Variants in SPTLC2 observed in about 807,000 individuals in gnomAD.
The protein encoded by SPTLC2 is serine palmitoyltransferase long chain base subunit 2, also known as serine palmitoyltransferase 2.
A neutral mutation model predicts 62.0 loss-of-function variants in SPTLC2; 21 were observed. That is an observed-to-expected ratio of 0.34 (90% confidence interval 0.24 to 0.49). SPTLC2 has a LOEUF of 0.49. Among genes scored for constraint, SPTLC2 ranks in the 20% least tolerant of loss-of-function variants. SPTLC2 has a pLI of 0.99. For synonymous variants in SPTLC2, 261 were observed against 261.8 expected, an observed-to-expected ratio of 1.00 and a Z score of 0.03; for missense variants, 511 against 713.0, an observed-to-expected ratio of 0.72 and a Z score of 3.23.
intron 9 of SPTLC2, among the ~76,000 whole-genome samples, chr14:77,527,640 T>G (rs759604157): frequency 5.3e-5 from 8 of 152,214 alleles, no homozygotes; most frequent in Non-Finnish European, 1.0e-4. Flanking sequence ...TAGAAGGAAC[T>G]ACTATATTAT....
chr14:77,592,244 C>A (rs1246681189), intron 2 of SPTLC2, among the ~76,000 whole-genome samples: 1 of 152,000 alleles, frequency 6.6e-6, no homozygotes. Context: ...AAGCCATTCT[C>A]CTGCCTCAGC....
At chr14:77,572,624 T>C (rs1226084653) in intron 4 of SPTLC2, among the ~76,000 whole-genome samples, 5 of 152,228 alleles carry the variant, frequency 3.3e-5, no homozygotes, top group African/African-American at 1.2e-4. Context: ...TTAGATGGTG[T>C]CTTCTTTCAA....
rs2079325980 is a variant in SPTLC2 at position 77,510,337 on chromosome 14, A to G, written c.*1947T>C. On this transcript the variant is annotated 3_prime_UTR_variant, in exon 12 of 12. Coordinates refer to ENST00000216484, the MANE Select transcript of SPTLC2 (RefSeq NM_004863.4). The stretch of plus-strand genomic sequence containing the variant: ...CAAGACATTAAAAACAAAACTTCAC[A>G]AACAATAATATTGCTTACATCCTCT... 5.9e-6 allele frequency: 1 copy of G among 169,662 alleles called. No individual in the cohort carries two copies. Among genetic ancestry groups the G allele is most frequent in the Non-Finnish European group, 1.2e-5 (1 of 80,072 alleles). The allele number at this position is 169,662 out of a possible 1,614,324, so 10.5% of individuals were successfully genotyped here.
Position 77,611,458 on chromosome 14 carries a change from CAA to C in SPTLC2, c.132+4988_132+4989del, listed in dbSNP as rs34421039. On this transcript the variant is annotated intron_variant, in intron 1 of 11. Transcript: ENST00000216484. Reference sequence around the variant, plus strand: ...AGGCTGGAGCGAGACCCTATCTCGCCAAAAAAAAAAAAAAAAAGAAAGAAAAG... The same window carrying C: ...AGGCTGGAGCGAGACCCTATCTCGCCAAAAAAAAAAAAAAAGAAAGAAAAG... Among the ~76,000 whole-genome samples the C allele has an allele frequency of 9.1e-3, 1,010 of 110,772 alleles. 11 individuals are homozygous for C. The highest frequency in any genetic ancestry group is 0.033 in the African/African-American group (918 of 27,810). The allele number at this position is 110,772 out of a possible 152,430, so 72.7% of individuals were successfully genotyped here. A position where few individuals can be genotyped will look rare whatever the true frequency, so the allele number is the denominator to read the frequency against.
chr14:77,595,791 C>T (rs1035094857), intron 2 of SPTLC2, among the ~76,000 whole-genome samples: 4 of 152,182 alleles, frequency 2.6e-5, no homozygotes, highest in African/African-American at 4.8e-5. Flanking sequence ...CCACACCTGC[C>T]TCTTTTCCTC....
At chr14:77,598,873 G>A (rs1327467696) in intron 1 of SPTLC2, among the ~76,000 whole-genome samples, 1 of 151,326 alleles carries the variant, frequency 6.6e-6, no homozygotes, top group Non-Finnish European at 1.5e-5. Context: ...AGGTCGAGAT[G>A]GCAGTGAGCC....
chr14:77,603,372 T>C (rs986658495), intron 1 of SPTLC2, among the ~76,000 whole-genome samples: 44 of 152,362 alleles, frequency 2.9e-4, no homozygotes, highest in Middle Eastern at 3.4e-3. Context: ...TCAAGTGCTA[T>C]GTTTCTGTTG....
At chr14:77,602,222 AG>A (rs1192484695) in intron 1 of SPTLC2, among the ~76,000 whole-genome samples, 3 of 152,320 alleles carry the variant, frequency 2.0e-5, no homozygotes, top group African/African-American at 7.2e-5. Context: ...ATTCCTTTCC[AG>A]AACTCCACAT....
chr14:77,584,549 C>G (rs962525931), intron 2 of SPTLC2, among the ~76,000 whole-genome samples: 1 of 152,156 alleles, frequency 6.6e-6, no homozygotes, highest in Non-Finnish European at 1.5e-5. Flanking sequence ...GGCTAAATGG[C>G]TTTCCCACTT....
intron 3 of SPTLC2, among the ~76,000 whole-genome samples, chr14:77,578,025 G>A (rs912240437): frequency 1.4e-4 from 21 of 152,110 alleles, no homozygotes; most frequent in African/African-American, 5.1e-4. Context: ...CATCTCTGTA[G>A]TCCCAGCTAC....
In SPTLC2 at chr14:77,616,603, G is replaced by T. The variant is rs1302395675; in HGVS notation, c.-24C>A. On this transcript the variant is annotated 5_prime_UTR_variant, in exon 1 of 12. Transcript: ENST00000216484. ...ATCTTCCTGGCAGCACCAGGCGCAA[G>T]GCAGGCTCTGTAGGCGGTGGCAGCG... 2.0e-6 allele frequency: 3 copies of T among 1,536,476 alleles called. No individual in the cohort carries two copies. The highest frequency in any genetic ancestry group is 2.6e-6 in the Non-Finnish European group (3 of 1,147,254).
At chr14:77,563,446 G>C (rs1432480103) in intron 5 of SPTLC2, among the ~76,000 whole-genome samples, 1 of 152,160 alleles carries the variant, frequency 6.6e-6, no homozygotes, top group Non-Finnish European at 1.5e-5. Context: ...ATGTGTGTGT[G>C]TGAGATGGAG....
intron 5 of SPTLC2, among the ~76,000 whole-genome samples, chr14:77,566,980 T>G (rs2079648757): frequency 7.8e-6 from 1 of 128,168 alleles, no homozygotes; most frequent in Non-Finnish European, 1.7e-5. Flanking sequence ...ATATAAATCT[T>G]TTTTTTTTGA....
chr14:77,541,732 G>A (rs1230711656), intron 9 of SPTLC2, among the ~76,000 whole-genome samples: 1 of 152,098 alleles, frequency 6.6e-6, no homozygotes, highest in Non-Finnish European at 1.5e-5. Context: ...CTCATCACAA[G>A]CATCTAGATG....
chr14:77,524,411 A>ATC (rs1445735214), intron 9 of SPTLC2, among the ~76,000 whole-genome samples: 3 of 151,754 alleles, frequency 2.0e-5, no homozygotes, highest in Admixed American at 1.3e-4. Context: ...CCTTTTAGCT[A>ATC]TCTAATCACA....
At chr14:77,570,633 T>A in intron 4 of SPTLC2, 125 bp from the exon 5 acceptor site, 1 of 1,113,282 alleles carries the variant, frequency 9.0e-7, no homozygotes, top group Non-Finnish European at 1.3e-6. Flanking sequence ...TATGAAGGAG[T>A]CAATATTATG....
intron 9 of SPTLC2, among the ~76,000 whole-genome samples, chr14:77,542,338 CAT>C (rs1363854737): frequency 6.6e-6 from 1 of 152,006 alleles, no homozygotes; most frequent in African/African-American, 2.4e-5. Context: ...ATTTTAACAA[CAT>C]GTTTCCCGTA....
intron 11 of SPTLC2, among the ~76,000 whole-genome samples, chr14:77,517,827 G>A (rs1416795408): frequency 6.6e-6 from 1 of 152,066 alleles, no homozygotes; most frequent in Admixed American, 6.6e-5. Context: ...AGTAGAGCAA[G>A]ACAAAGCCGG....
At chr14:77,590,026 A>G (rs1478323585) in intron 2 of SPTLC2, among the ~76,000 whole-genome samples, 1 of 151,508 alleles carries the variant, frequency 6.6e-6, no homozygotes, top group African/African-American at 2.4e-5. Context: ...CCCAGGCTAG[A>G]GTGCAGTGGC....
Sources: gnomAD v4.1 joint callset for allele counts (sites outside exome capture counted in the v4.1 genomes callset) on GRCh38, gnomAD v4.1.1 for gene constraint, MANE v1.5 for transcripts, NCBI Gene and HGNC (gene_info 2026-07-23, HGNC 2026-07-21) for gene names.